PAPPA2: variants seen among roughly 807,000 people sequenced by gnomAD.
The protein encoded by PAPPA2 is pappalysin 2, also known as pappalysin-2.
PAPPA2 carries 86 observed loss-of-function variants against 176.4 expected under a neutral mutation model. The ratio of observed to expected loss-of-function variants is 0.49; its 90% CI spans 0.41 to 0.58. PAPPA2 has a LOEUF of 0.58. Among genes scored for constraint, PAPPA2 ranks in the 20% least tolerant of loss-of-function variants. The probability of loss-of-function intolerance (pLI) is 0.00; values close to 1 mark genes in which losing one functional copy is unlikely to be tolerated. For missense variants in PAPPA2, 2,073 were observed against 2,256.9 expected (o/e 0.92, Z 1.65); for synonymous variants, 809 against 852.2 (o/e 0.95, Z 0.88).
Position 176,800,077 on chromosome 1 carries a change from G to A in PAPPA2, c.5147G>A (p.Gly1716Asp). The A allele has an allele frequency of 6.2e-7, 1 of 1,613,952 alleles. No homozygotes were observed. Among genetic ancestry groups the A allele is most frequent in the South Asian group, 1.1e-5 (1 of 91,060 alleles). Reference sequence around the variant, plus strand: ...TCCCCTTAGAGCATTGTGTGCACTGGCCGGCGTCAATGGCACCCAGACCCC... The same window carrying A: ...TCCCCTTAGAGCATTGTGTGCACTGACCGGCGTCAATGGCACCCAGACCCC... ...PVKVQSIVCTGRRQWHPDPVL... is the reference protein window; with the variant it reads ...PVKVQSIVCTDRRQWHPDPVL... Residue 1716 changes from glycine to aspartate, a missense_variant, in exon 21 of 23, where the codon GGC becomes GAC. Physicochemically the swap from Gly to Asp is moderately conservative, Grantham distance 94. Around this residue, in one of 4 missense-constraint regions of PAPPA2, gnomAD observed 846 missense variants for 857.9 expected, o/e 0.99. Transcript: ENST00000367662.
At chr1:176,760,726 A>G (rs1208465361) in intron 14 of PAPPA2, among the ~76,000 whole-genome samples, 2 of 152,348 alleles carry the variant, frequency 1.3e-5, no homozygotes, top group Non-Finnish European at 1.5e-5. Flanking sequence ...GGGTGCCCAC[A>G]GGCAGGTTCT....
chr1:176,674,788 T>A (rs938645953), intron 4 of PAPPA2, among the ~76,000 whole-genome samples: 1 of 151,464 alleles, frequency 6.6e-6, no homozygotes, highest in Non-Finnish European at 1.5e-5. Context: ...TTTGGGTAGA[T>A]ACCCAGTAGT....
intron 2 of PAPPA2, among the ~76,000 whole-genome samples, chr1:176,587,317 G>A (rs1653378057): frequency 6.6e-6 from 1 of 152,088 alleles, no homozygotes; most frequent in South Asian, 2.1e-4. Flanking sequence ...GTTGATTCTG[G>A]TTTTTGTTGC....
intron 9 of PAPPA2, among the ~76,000 whole-genome samples, chr1:176,705,359 A>G (rs988749915): frequency 6.6e-6 from 1 of 152,162 alleles, no homozygotes; most frequent in Non-Finnish European, 1.5e-5. Flanking sequence ...TTCATTTTAA[A>G]CCATTCTCAT....
intron 3 of PAPPA2, among the ~76,000 whole-genome samples, chr1:176,621,171 T>G (rs1655570724): frequency 6.6e-6 from 1 of 152,226 alleles, no homozygotes; most frequent in Non-Finnish European, 1.5e-5. Context: ...TGTTAATAAC[T>G]TAATCTATTC....
intron 1 of PAPPA2, among the ~76,000 whole-genome samples, chr1:176,532,650 C>A (rs1649876801): frequency 6.6e-6 from 1 of 152,204 alleles, no homozygotes; most frequent in Non-Finnish European, 1.5e-5. Context: ...AGCTTCCTGT[C>A]CCCACATGGT....
chr1:176,779,889 T>G (rs1664637970), intron 17 of PAPPA2, among the ~76,000 whole-genome samples: 1 of 152,182 alleles, frequency 6.6e-6, no homozygotes, highest in South Asian at 2.1e-4. Flanking sequence ...GAAGCCACCA[T>G]GACTTCCGAT....
chr1:176,743,355 A>G (rs1011143084), intron 14 of PAPPA2, among the ~76,000 whole-genome samples: 2 of 152,164 alleles, frequency 1.3e-5, no homozygotes, highest in African/African-American at 4.8e-5. Context: ...TCACTCTGTT[A>G]TGATGACTAC....
intron 2 of PAPPA2, among the ~76,000 whole-genome samples, chr1:176,581,463 C>A (rs532882614): frequency 6.6e-6 from 1 of 152,168 alleles, no homozygotes; most frequent in South Asian, 2.1e-4. Flanking sequence ...CAGTAGCCTG[C>A]AAAATTTTAG....
chr1:176,466,696 A>G (rs1335358509), intron 1 of PAPPA2, among the ~76,000 whole-genome samples: 1 of 152,088 alleles, frequency 6.6e-6, no homozygotes, highest in East Asian at 1.9e-4. Flanking sequence ...GAGAACAACA[A>G]TGTGGTTTGC....
At chr1:176,647,232 G>C (rs1657446889) in intron 3 of PAPPA2, among the ~76,000 whole-genome samples, 1 of 151,384 alleles carries the variant, frequency 6.6e-6, no homozygotes, top group Non-Finnish European at 1.5e-5. Context: ...CTATTCAGGT[G>C]TTTTGTCCAT....
intron 1 of PAPPA2, among the ~76,000 whole-genome samples, chr1:176,511,746 C>T (rs576848747): frequency 6.6e-6 from 1 of 152,200 alleles, no homozygotes; most frequent in Non-Finnish European, 1.5e-5. Context: ...TCTGCTTTAG[C>T]TTGGCATATC....
chr1:176,623,613 TCCTTCCTTCC>T (rs1435497414), intron 3 of PAPPA2, among the ~76,000 whole-genome samples: 1 of 136,974 alleles, frequency 7.3e-6, no homozygotes, highest in African/African-American at 2.9e-5. Flanking sequence ...CTTCCTTCCT[TCCTTCCTTCC>T]TTTTTTACTT....
chr1:176,634,998 GA>G (rs1307939605), intron 3 of PAPPA2, among the ~76,000 whole-genome samples: 3 of 146,484 alleles, frequency 2.0e-5, no homozygotes, highest in African/African-American at 7.6e-5. Context: ...TAGATAGATA[GA>G]TAGATAGATA....
intron 17 of PAPPA2, among the ~76,000 whole-genome samples, chr1:176,789,018 C>A (rs1665060085): frequency 6.6e-6 from 1 of 152,098 alleles, no homozygotes; most frequent in Non-Finnish European, 1.5e-5. Flanking sequence ...GTGTGATAAC[C>A]TTTTTTGTAC....
At chr1:176,734,217 T>C (rs925066549) in intron 12 of PAPPA2, among the ~76,000 whole-genome samples, 2 of 152,112 alleles carry the variant, frequency 1.3e-5, no homozygotes, top group African/African-American at 4.8e-5. Flanking sequence ...GTGTCTAAAA[T>C]CACAGTTTGA....
At chr1:176,636,506 A>G (rs771166424) in intron 3 of PAPPA2, among the ~76,000 whole-genome samples, 10 of 152,166 alleles carry the variant, frequency 6.6e-5, no homozygotes, top group Non-Finnish European at 1.5e-4. Flanking sequence ...TGGCTTGCAG[A>G]TGGAAGTTTT....
At chr1:176,697,174 T>C (rs1660426046) in intron 7 of PAPPA2, among the ~76,000 whole-genome samples, 1 of 152,178 alleles carries the variant, frequency 6.6e-6, no homozygotes, top group African/African-American at 2.4e-5. Context: ...TTAGAAGTTC[T>C]ACGTTCTAAT....
At chr1:176,677,919 T>A (rs528758473) in intron 4 of PAPPA2, among the ~76,000 whole-genome samples, 2 of 152,326 alleles carry the variant, frequency 1.3e-5, no homozygotes, top group East Asian at 1.9e-4. Context: ...GAGACAGATA[T>A]GTCATACAGA....
Sources: allele counts gnomAD v4.1 joint callset (sites outside exome capture counted in the v4.1 genomes callset), GRCh38; gene constraint gnomAD v4.1.1; regional missense constraint gnomAD v4.1.1; transcripts MANE v1.5; gene names NCBI Gene and HGNC (gene_info 2026-07-23, HGNC 2026-07-21).